Variants in TAFA1 observed in about 807,000 individuals in gnomAD.
TAFA1 encodes the protein chemokine-like protein TAFA-1.
A neutral mutation model predicts 18.5 loss-of-function variants in TAFA1; 4 were observed. The observed-to-expected ratio is 0.22, with a 90% CI of 0.11 to 0.49. The LOEUF (loss-of-function observed/expected upper bound fraction) is 0.49. Ranked by LOEUF, TAFA1 falls within the 20% of genes least tolerant of loss-of-function variation. The probability of loss-of-function intolerance (pLI) is 0.98; values close to 1 mark genes in which losing one functional copy is unlikely to be tolerated. For missense variants in TAFA1, 147 were observed against 169.0 expected (o/e 0.87, Z 0.72); for synonymous variants, 56 against 55.2 (o/e 1.01, Z -0.06).
chr3:68,005,624 G>T (rs987475745), intron 1 of TAFA1, among the ~76,000 whole-genome samples: 4 of 152,170 alleles, frequency 2.6e-5, no homozygotes, highest in Non-Finnish European at 5.9e-5. Context: ...ATTTGACAGT[G>T]AAAAGGAAAA....
chr3:68,111,695 A>G lies in TAFA1; in HGVS notation c.118+104951A>G, dbSNP rs547001866. 9.9e-5 allele frequency among the ~76,000 whole-genome samples: 15 copies of G among 152,184 alleles called. No individual in the cohort carries two copies. The South Asian group carries it at 2.9e-3, about 29-fold the overall frequency. On this transcript the variant is annotated intron_variant, in intron 2 of 4. Coordinates refer to ENST00000478136, the MANE Select transcript of TAFA1 (RefSeq NM_213609.4). ...AAGAAAATATGTTTTAATCTTTAGG[A>G]TAACAAATAAAATAATTTCAAAAAG... is the stretch of plus-strand genomic sequence containing the variant.
chr3:68,477,836 C>T (rs1414559651), intron 3 of TAFA1, among the ~76,000 whole-genome samples: 2 of 152,080 alleles, frequency 1.3e-5, no homozygotes, highest in East Asian at 1.9e-4. Context: ...CAAGTTTAGG[C>T]TTTGAAAAAT....
chr3:68,393,175 T>A (rs1379034862), intron 2 of TAFA1, among the ~76,000 whole-genome samples: 2 of 151,534 alleles, frequency 1.3e-5, no homozygotes, highest in African/African-American at 4.9e-5. Flanking sequence ...AAAGGGAATA[T>A]CACCACCGAT....
At chr3:68,508,895 G>A (rs780193182) in intron 3 of TAFA1, among the ~76,000 whole-genome samples, 2 of 151,990 alleles carry the variant, frequency 1.3e-5, no homozygotes, top group African/African-American at 2.4e-5. Context: ...CCAAGTAAAT[G>A]CATGAGGGAA....
At chr3:68,448,363 T>C (rs2071507720) in intron 3 of TAFA1, among the ~76,000 whole-genome samples, 1 of 152,196 alleles carries the variant, frequency 6.6e-6, no homozygotes, top group Admixed American at 6.5e-5. Flanking sequence ...TCTTTATTAA[T>C]ACAGTAAATA....
intron 2 of TAFA1, among the ~76,000 whole-genome samples, chr3:68,179,692 C>T (rs1318169011): frequency 2.6e-5 from 4 of 152,152 alleles, no homozygotes; most frequent in African/African-American, 7.2e-5. Flanking sequence ...TAATCTGCCT[C>T]TTCTTGATGT....
chr3:68,078,438 G>C (rs2064854709), intron 2 of TAFA1, among the ~76,000 whole-genome samples: 2 of 152,250 alleles, frequency 1.3e-5, no homozygotes, highest in South Asian at 2.1e-4. Context: ...TATGATATTG[G>C]CTGTGGGTTT....
rs148851908 is a variant in TAFA1, at chr3:68,424,968, C to T, written c.259+7548C>T. ...TTTTAGGAATGTCTTTCAAGTCTTC[C>T]GAGTTAATGGATAGTGTGATGCCCG... On this transcript the variant is annotated intron_variant, in intron 3 of 4. Coordinates refer to ENST00000478136, the MANE Select transcript of TAFA1 (RefSeq NM_213609.4). Among the ~76,000 whole-genome samples the T allele has an allele frequency of 2.0e-4, 31 of 152,010 alleles. 1 individual carries two copies. Among genetic ancestry groups the T allele is most frequent in the Admixed American group, 8.5e-4 (13 of 15,224 alleles).
chr3:68,498,543 A>G (rs1356827898), intron 3 of TAFA1, among the ~76,000 whole-genome samples: 1 of 152,088 alleles, frequency 6.6e-6, no homozygotes, highest in African/African-American at 2.4e-5. Flanking sequence ...TATTTTAAGG[A>G]AAAAAGACCA....
At chr3:68,070,129 C>CGAAG (rs2064734577) in intron 2 of TAFA1, among the ~76,000 whole-genome samples, 1 of 152,222 alleles carries the variant, frequency 6.6e-6, no homozygotes. Context: ...CATTTCCTTC[C>CGAAG]ACACTGCATT....
chr3:68,201,670 C>T (rs910963768), intron 2 of TAFA1, among the ~76,000 whole-genome samples: 5 of 151,614 alleles, frequency 3.3e-5, no homozygotes, highest in Non-Finnish European at 7.4e-5. Context: ...TTGTAGCCTG[C>T]CCTGTCTGAA....
intron 3 of TAFA1, among the ~76,000 whole-genome samples, chr3:68,535,698 C>T (rs889558775): frequency 2.0e-5 from 3 of 152,056 alleles, no homozygotes; most frequent in African/African-American, 7.2e-5. Context: ...AGGGAAGAGC[C>T]TGAAGCACAA....
intron 3 of TAFA1, among the ~76,000 whole-genome samples, chr3:68,482,102 C>G (rs1559687665): frequency 6.6e-6 from 1 of 152,204 alleles, no homozygotes. Flanking sequence ...GCTCTGCCTC[C>G]CGGGTTCATG....
chr3:68,074,700 T>C (rs1168642125), intron 2 of TAFA1, among the ~76,000 whole-genome samples: 1 of 152,210 alleles, frequency 6.6e-6, no homozygotes, highest in Non-Finnish European at 1.5e-5. Flanking sequence ...TACAAGTCTA[T>C]TTTATGGCAG....
At chr3:68,348,897 G>A (rs1183114062) in intron 2 of TAFA1, among the ~76,000 whole-genome samples, 2 of 151,896 alleles carry the variant, frequency 1.3e-5, no homozygotes, top group African/African-American at 4.8e-5. Context: ...TTAAAGAGGG[G>A]GTTGGGGCAA....
chr3:68,236,441 T>G (rs1260452013), intron 2 of TAFA1, among the ~76,000 whole-genome samples: 1 of 152,240 alleles, frequency 6.6e-6, no homozygotes, highest in African/African-American at 2.4e-5. Flanking sequence ...AATACTTGGC[T>G]AAAGCCACTT....
chr3:68,400,709 C>T (rs1174210081), intron 2 of TAFA1, among the ~76,000 whole-genome samples: 2 of 152,140 alleles, frequency 1.3e-5, no homozygotes, highest in Non-Finnish European at 2.9e-5. Flanking sequence ...ACTCAACTAT[C>T]AAACTTAGTG....
rs556972207 is a variant in TAFA1 at position 68,065,278 on chromosome 3, T to G, written c.118+58534T>G. Among the ~76,000 whole-genome samples, 6 of 152,252 alleles carry G rather than the reference T, an allele frequency of 3.9e-5. No individual in the cohort carries two copies. The South Asian group carries it at 1.0e-3, about 26-fold the overall frequency. On this transcript the variant is annotated intron_variant, in intron 2 of 4. Transcript: ENST00000478136. The stretch of plus-strand genomic sequence containing the variant: ...GGGGTTTTTGTTTGTTTTAATTTGT[T>G]TTACTTGGGATTTTCCAAGGATGAC...
At chr3:68,219,139 A>C (rs1485029198) in intron 2 of TAFA1, among the ~76,000 whole-genome samples, 5 of 151,926 alleles carry the variant, frequency 3.3e-5, no homozygotes, top group Admixed American at 3.3e-4. Flanking sequence ...TCTTTTTATC[A>C]CTAGGGAAAT....
Sources: gnomAD v4.1 joint callset for allele counts (sites outside exome capture counted in the v4.1 genomes callset) on GRCh38, gnomAD v4.1.1 for gene constraint, MANE v1.5 for transcripts, NCBI Gene and HGNC (gene_info 2026-07-23, HGNC 2026-07-21) for gene names.